SSUH2: variants seen among roughly 807,000 people sequenced by gnomAD.
The protein encoded by SSUH2 is protein SSUH2 homolog.
In SSUH2, 47 loss-of-function variants were observed where a neutral mutation model predicts 55.3. The observed-to-expected ratio is 0.85, with a 90% CI of 0.67 to 1.08. The LOEUF is 1.08. SSUH2 is among the 50% of genes least tolerant of loss of function. The pLI is 0.00. For synonymous variants in SSUH2, 212 were observed against 191.5 expected (o/e 1.11, Z -0.89); for missense variants, 535 against 490.7 (o/e 1.09, Z -0.85).
At chr3:8,647,697 C>T (rs1317526926), upstream of SSUH2, among the ~76,000 whole-genome samples, 1 of 152,234 alleles carries the variant, frequency 6.6e-6, no homozygotes, top group African/African-American at 2.4e-5. Context: ...AGTGAATGCT[C>T]CCTGCACATC....
At chr3:8,657,807 C>T (rs1703081238) in intron 7 of SSUH2, among the ~76,000 whole-genome samples, 1 of 152,210 alleles carries the variant, frequency 6.6e-6, no homozygotes, top group South Asian at 2.1e-4. Flanking sequence ...CCCTGGCCTC[C>T]CTCTTGCTCA....
chr3:8,655,978 A>T (rs751945104), intron 7 of SSUH2, among the ~76,000 whole-genome samples: 3 of 152,206 alleles, frequency 2.0e-5, no homozygotes, highest in Non-Finnish European at 4.4e-5. Flanking sequence ...AAAGAATATT[A>T]TTCTAACTAA....
chr3:8,654,681 G>A (rs1480792520), intron 7 of SSUH2, among the ~76,000 whole-genome samples: 1 of 151,850 alleles, frequency 6.6e-6, no homozygotes, highest in East Asian at 1.9e-4. Flanking sequence ...CCTCCCCAAG[G>A]TCTCAGTGTG....
chr3:8,624,725 C>G (rs552159281), intron 10 of SSUH2, among the ~76,000 whole-genome samples: 1 of 152,306 alleles, frequency 6.6e-6, no homozygotes, highest in East Asian at 1.9e-4. Flanking sequence ...TCAGAAAATG[C>G]GTGGGGCTGT....
chr3:8,649,163 G>A (rs558030848), upstream of SSUH2, among the ~76,000 whole-genome samples: 1 of 152,170 alleles, frequency 6.6e-6, no homozygotes. Flanking sequence ...GATCCCAAGA[G>A]CACCCCCAGC....
At position 8,621,363 on chromosome 3, in the gene SSUH2, C is replaced by A. The variant is rs547811869; in HGVS notation, c.982-1349G>T. On this transcript the variant is annotated intron_variant, in intron 11 of 11. Coordinates refer to ENST00000544814, the MANE Select transcript of SSUH2 (RefSeq NM_001256748.3). ...TTGAAGACCCTAGGGAAGAGGTAAA[C>A]CAGGCCGGGTGGGGGGCTGAGGCTG... 2.0e-5 allele frequency among the ~76,000 whole-genome samples: 3 copies of A among 152,262 alleles called. No homozygotes were observed. In the South Asian group the frequency reaches 6.2e-4, roughly 32 times the overall value.
At chr3:8,671,048 T>A (rs1187229416) in exon 5 of SSUH2, 3 of 400,040 alleles carry the variant, frequency 7.5e-6, no homozygotes, top group Non-Finnish European at 1.6e-5. Context: ...ACGAATAATA[T>A]CAAAGGGTGC....
At chr3:8,679,753 G>A (rs191617036) in exon 2 of SSUH2, 33 of 164,006 alleles carry the variant, frequency 2.0e-4, no homozygotes, top group East Asian at 5.8e-4. Context: ...TCAGATCTGC[G>A]GAAGGCAAGT....
rs369322057 is a variant in SSUH2 at position 8,680,520 on chromosome 3, G to T, written c.-1045-671C>A. 1.1e-4 allele frequency among the ~76,000 whole-genome samples: 16 copies of T among 152,124 alleles called. No individual in the cohort carries two copies. In the East Asian group the frequency reaches 1.5e-3, roughly 15 times the overall value. On this transcript the variant is annotated intron_variant, in intron 1 of 18. Transcript: ENST00000317371. ...ATATTAAGAACAGTATCACAGGGGTGTTTCTACTCCCTGCGATATCGTGTG... is the reference window on the plus strand; with the variant it reads ...ATATTAAGAACAGTATCACAGGGGTTTTTCTACTCCCTGCGATATCGTGTG...
At chr3:8,623,434 C>T (rs1005065024) in intron 11 of SSUH2, 115 bp downstream of exon 11, 8 of 711,730 alleles carry the variant, frequency 1.1e-5, no homozygotes, top group South Asian at 3.2e-5. Context: ...ACTCCTCCCC[C>T]GGGACCTCCC....
chr3:8,653,334 T>G (rs1702615998), intron 7 of SSUH2, among the ~76,000 whole-genome samples: 1 of 152,212 alleles, frequency 6.6e-6, no homozygotes, highest in Non-Finnish European at 1.5e-5. Context: ...AATCAAAGAT[T>G]CAAAAGATTA....
intron 6 of SSUH2, among the ~76,000 whole-genome samples, chr3:8,630,563 G>A (rs534053552): frequency 3.0e-4 from 45 of 152,326 alleles, no homozygotes; most frequent in African/African-American, 1.0e-3. Flanking sequence ...AGCTGGTGAC[G>A]ATTTGTAAAT....
chr3:8,673,725 G>A lies in SSUH2; in HGVS notation c.-752-1690C>T, dbSNP rs117517006. On this transcript the variant is annotated intron_variant, in intron 3 of 18. Coordinates refer to the SSUH2 transcript ENST00000317371. ...ACCAGCTGATTATCAAAACCCCCAA[G>A]AGTATGGAAGGACTCAGTTACCAGG... Among the ~76,000 whole-genome samples, 451 of 152,294 alleles carry A rather than the reference G, an allele frequency of 3.0e-3. 15 individuals are homozygous for A. The East Asian group carries it at 0.046, about 16-fold the overall frequency.
At chr3:8,627,921 G>T (rs1202359262) in intron 7 of SSUH2, 138 bp from the exon 8 acceptor site, 2 of 571,848 alleles carry the variant, frequency 3.5e-6, no homozygotes, top group Non-Finnish European at 5.9e-6. Context: ...AAAATGGTGC[G>T]GGGTGGAGAT....
chr3:8,623,629 G>T lies in SSUH2; in HGVS notation c.901C>A (p.Arg301=). The T allele has an allele frequency of 6.5e-7, 1 of 1,540,620 alleles. No individual in the cohort carries two copies. Among genetic ancestry groups the T allele is most frequent in the Middle Eastern group, 1.7e-4 (1 of 5,968 alleles). ...VVYPIVDFPL[R]DISLASQRGI... ...CTCTGGGAGGCAAGAGAGATGTCTC[G>T]CAGAGGGAAGTCCACGATGGGGTAC... is the stretch of plus-strand genomic sequence containing the variant. Residue 301 remains arginine (R), a synonymous_variant, in exon 11 of 12, where the codon CGA becomes AGA. Transcript: ENST00000544814.
intron 5 of SSUH2, among the ~76,000 whole-genome samples, chr3:8,666,436 A>C (rs114273631): frequency 0.055 from 8,384 of 152,252 alleles, 271 homozygotes; most frequent in Middle Eastern, 0.085. Context: ...TCAGGGAAGA[A>C]ACACCCACAA....
At chr3:8,652,995 T>C (rs1702577953) in intron 7 of SSUH2, among the ~76,000 whole-genome samples, 1 of 152,236 alleles carries the variant, frequency 6.6e-6, no homozygotes, top group African/African-American at 2.4e-5. Flanking sequence ...CTAAATGCCC[T>C]GAAGCTCTGC....
chr3:8,677,684 G>A (rs1402136911), intron 2 of SSUH2, among the ~76,000 whole-genome samples: 1 of 150,792 alleles, frequency 6.6e-6, no homozygotes, highest in Non-Finnish European at 1.5e-5. Context: ...AACTAGACAG[G>A]GTTTCTAAAG....
chr3:8,650,567 A>G (rs1702279783), intron 7 of SSUH2, among the ~76,000 whole-genome samples: 1 of 152,250 alleles, frequency 6.6e-6, no homozygotes, highest in Non-Finnish European at 1.5e-5. Flanking sequence ...GAAGGCCACT[A>G]GTAATTTTTA....
Sources: gnomAD v4.1 joint callset for allele counts (sites outside exome capture counted in the v4.1 genomes callset) on GRCh38, gnomAD v4.1.1 for gene constraint, MANE v1.5 for transcripts, NCBI Gene and HGNC (gene_info 2026-07-23, HGNC 2026-07-21) for gene names.